The following ABCG2 variants were observed in gnomAD, a reference collection of about 807,000 sequenced individuals.
The protein encoded by ABCG2 is ATP binding cassette subfamily G member 2 (JR blood group).
A neutral mutation model predicts 73.5 loss-of-function variants in ABCG2; 80 were observed. The observed-to-expected ratio is 1.09, with a 90% CI of 0.91 to 1.31. The LOEUF (loss-of-function observed/expected upper bound fraction) is 1.31. ABCG2 is among the 50% of genes most tolerant of loss of function. The pLI is 0.00. For missense variants in ABCG2, 796 were observed against 786.2 expected, an observed-to-expected ratio of 1.01 and a Z score of -0.15; for synonymous variants, 269 against 282.4, an observed-to-expected ratio of 0.95 and a Z score of 0.48.
chr4:88,132,726 T>G, intron 2 of ABCG2, 91 bp from the exon 3 acceptor site: 1 of 1,385,498 alleles, frequency 7.2e-7, no homozygotes, highest in Admixed American at 1.7e-5. Context: ...CAATGAAGGT[T>G]GATGAAATTA....
At chr4:88,092,684 C>T (rs1261314817) in intron 15 of ABCG2, among the ~76,000 whole-genome samples, 1 of 152,158 alleles carries the variant, frequency 6.6e-6, no homozygotes, top group Non-Finnish European at 1.5e-5. Flanking sequence ...CTTTGAATCA[C>T]CAAGTTTTTA....
chr4:88,216,524 A>T (rs541855812), intron 1 of ABCG2, among the ~76,000 whole-genome samples: 1 of 152,270 alleles, frequency 6.6e-6, no homozygotes, highest in South Asian at 2.1e-4. Flanking sequence ...TGAGCTAATA[A>T]CATGGTTTTC....
intron 5 of ABCG2, among the ~76,000 whole-genome samples, chr4:88,127,750 T>C (rs1466189383): frequency 6.6e-6 from 1 of 151,814 alleles, no homozygotes; most frequent in Non-Finnish European, 1.5e-5. Flanking sequence ...ACCACTTCCT[T>C]ACACCTCTAC....
chr4:88,168,588 T>TTA (rs1489860185), intron 1 of ABCG2, among the ~76,000 whole-genome samples: 1 of 152,116 alleles, frequency 6.6e-6, no homozygotes, highest in African/African-American at 2.4e-5. Flanking sequence ...TATTGATAAT[T>TTA]AACCTGCAGA....
chr4:88,181,229 A>G (rs1302281097), intron 1 of ABCG2, among the ~76,000 whole-genome samples: 1 of 151,374 alleles, frequency 6.6e-6, no homozygotes, highest in Non-Finnish European at 1.5e-5. Flanking sequence ...GTGAAACCCC[A>G]TCTCTACTAA....
Position 88,150,659 on chromosome 4 carries a change from G to A in ABCG2, c.-20+7727C>T, listed in dbSNP as rs192522447. ...CACTAACATTAACAACAGCTGATGA[G>A]CTAAATTAAAAACAAAAATCACATA... On this transcript the variant is annotated intron_variant, in intron 1 of 15. Transcript: ENST00000237612. 8.6e-4 allele frequency among the ~76,000 whole-genome samples: 131 copies of A among 152,320 alleles called. 1 individual carries two copies. Among genetic ancestry groups the A allele is most frequent in the African/African-American group, 3.0e-3 (126 of 41,564 alleles).
At chr4:88,120,329 G>C (rs556932528) in intron 6 of ABCG2, among the ~76,000 whole-genome samples, 13 of 152,320 alleles carry the variant, frequency 8.5e-5, no homozygotes, top group Admixed American at 4.6e-4. Flanking sequence ...GCACTGCTTA[G>C]TGCAGTAGTG....
At chr4:88,226,684 C>T (rs141810740) in intron 1 of ABCG2, 5 of 152,468 alleles carry the variant, frequency 3.3e-5, no homozygotes, top group South Asian at 2.1e-4. Flanking sequence ...ATATTCAAAC[C>T]AAGGAATTCT....
intron 12 of ABCG2, among the ~76,000 whole-genome samples, chr4:88,098,170 C>T (rs1560651741): frequency 6.6e-6 from 1 of 152,314 alleles, no homozygotes; most frequent in Admixed American, 6.5e-5. Context: ...GTAATACAAT[C>T]TGAAGATTTG....
rs201942709 is a variant in ABCG2, at chr4:88,115,003, A to C, written c.897T>G (p.Asn299Lys). The change falls in exon 8 of 16, where the codon AAT (asparagine) becomes AAG (lysine). Residue 299 changes from asparagine (N) to lysine (K), a missense_variant. Physicochemically the swap from Asn to Lys is moderately conservative, Grantham distance 94. Transcript: ENST00000237612. ...NPADFFLDII[N>K]GDSTAVALNR... is the part of the protein sequence containing the mutation. ...TTAATGCCACAGCAGTGGAATCTCC[A>C]TTAATGATGTCCAAGAAGAAGTCTG... 1 of 1,613,232 alleles carries C rather than the reference A, an allele frequency of 6.2e-7. No homozygotes were observed. Among genetic ancestry groups the C allele is most frequent in the East Asian group, 2.2e-5 (1 of 44,766 alleles).
intron 1 of ABCG2, among the ~76,000 whole-genome samples, chr4:88,194,507 G>C (rs943468476): frequency 7.4e-6 from 1 of 135,160 alleles, no homozygotes; most frequent in Admixed American, 8.3e-5. Context: ...CCGAGATCTG[G>C]CCACTGCACT....
intron 1 of ABCG2, among the ~76,000 whole-genome samples, chr4:88,144,377 C>T (rs139524708): frequency 7.1e-4 from 108 of 151,580 alleles, no homozygotes; most frequent in African/African-American, 2.4e-3. Context: ...CTGCCTCTTT[C>T]GTGCTGGTCT....
intron 1 of ABCG2, among the ~76,000 whole-genome samples, chr4:88,173,917 G>A (rs770807758): frequency 4.6e-5 from 7 of 152,102 alleles, no homozygotes; most frequent in Admixed American, 2.6e-4. Flanking sequence ...AATAATGTCC[G>A]TATTACTTTT....
chr4:88,210,234 C>T lies in ABCG2; in HGVS notation c.-20+20760G>A, dbSNP rs144395579. On this transcript the variant is annotated intron_variant, in intron 1 of 15. Coordinates refer to the ABCG2 transcript ENST00000515655. ...ACACACACACACATATACATATATACGTTTAAGACAGTGCCTCTCTATGTT... is the reference window on the plus strand; with the variant it reads ...ACACACACACACATATACATATATATGTTTAAGACAGTGCCTCTCTATGTT... 4.1e-3 allele frequency among the ~76,000 whole-genome samples: 626 copies of T among 151,228 alleles called. 3 individuals carry two copies. The highest frequency in any genetic ancestry group is 0.01 in the Middle Eastern group (3 of 294).
At chr4:88,224,987 C>T (rs962259277) in intron 1 of ABCG2, among the ~76,000 whole-genome samples, 8 of 152,202 alleles carry the variant, frequency 5.3e-5, no homozygotes, top group Non-Finnish European at 1.0e-4. Context: ...TCAAAAACCA[C>T]TTGGCCGTGT....
At position 88,178,959 on chromosome 4, in the gene ABCG2, C is replaced by T. The variant is rs536594840; in HGVS notation, c.-19-38945G>A. On this transcript the variant is annotated intron_variant, in intron 1 of 15. Transcript: ENST00000515655. Reference sequence around the variant, plus strand: ...ATGACATCTGTGGACCTGCCCAGGACAGGGAGAACTTGCTGCCCTGAAGGG... The same window carrying T: ...ATGACATCTGTGGACCTGCCCAGGATAGGGAGAACTTGCTGCCCTGAAGGG... Among the ~76,000 whole-genome samples the T allele has an allele frequency of 2.6e-5, 4 of 152,292 alleles. No homozygotes were observed. The East Asian group carries it at 7.7e-4, about 29-fold the overall frequency.
chr4:88,178,454 A>T (rs1355585448), intron 1 of ABCG2, among the ~76,000 whole-genome samples: 2 of 152,082 alleles, frequency 1.3e-5, no homozygotes, highest in African/African-American at 4.8e-5. Context: ...AGACTCAGAG[A>T]CTTGCTGGCT....
At chr4:88,137,885 T>C (rs1200992647) in intron 2 of ABCG2, among the ~76,000 whole-genome samples, 1 of 152,206 alleles carries the variant, frequency 6.6e-6, no homozygotes, top group African/African-American at 2.4e-5. Context: ...CCAGGTGCAG[T>C]GGCTCATGCT....
intron 1 of ABCG2, among the ~76,000 whole-genome samples, chr4:88,147,887 G>A (rs886928861): frequency 9.9e-5 from 15 of 152,198 alleles, no homozygotes; most frequent in African/African-American, 3.1e-4. Context: ...AACGCAGTAT[G>A]ATTAACACAG....
Sources: allele counts gnomAD v4.1 joint callset (sites outside exome capture counted in the v4.1 genomes callset), GRCh38; gene constraint gnomAD v4.1.1; transcripts MANE v1.5; gene names NCBI Gene and HGNC (gene_info 2026-07-23, HGNC 2026-07-21).